The following PRDM6 variants were observed in gnomAD, a reference collection of about 807,000 sequenced individuals.
PRDM6 encodes the protein putative histone-lysine N-methyltransferase PRDM6.
PRDM6 carries 25 observed loss-of-function variants against 60.8 expected under a neutral mutation model. The ratio of observed to expected loss-of-function variants is 0.41; its 90% CI spans 0.30 to 0.57. The LOEUF (loss-of-function observed/expected upper bound fraction) is 0.57. Ranked by LOEUF, PRDM6 falls within the 20% of genes least tolerant of loss-of-function variation. The pLI is 0.27. For synonymous variants in PRDM6, 407 were observed against 357.4 expected (o/e 1.14, Z -1.57); for missense variants, 839 against 821.3 (o/e 1.02, Z -0.26).
intron 3 of PRDM6, among the ~76,000 whole-genome samples, chr5:123,137,640 G>C (rs929078084): frequency 1.3e-5 from 2 of 152,122 alleles, no homozygotes; most frequent in African/African-American, 4.8e-5. Context: ...GGCCTGTCAG[G>C]GGGTGGGGGG....
chr5:123,090,166 A>AGCC lies in PRDM6; in HGVS notation c.165_167dup (p.Pro59dup), dbSNP rs563892036. The AGCC allele has an allele frequency of 1.6e-3, 2,423 of 1,489,220 alleles. 8 individuals carry two copies. Among genetic ancestry groups the AGCC allele is most frequent in the South Asian group, 6.1e-3 (480 of 78,086 alleles). The allele number at this position is 1,489,220 out of a possible 1,614,324, so 92.3% of individuals were successfully genotyped here. ...CTCCTGAGCGCGCCGCAGCCTCTTCAGCCGCCGCCGCCGCCCCCGCCCCCG... is the reference window on the plus strand; with the variant it reads ...CTCCTGAGCGCGCCGCAGCCTCTTCAGCCGCCGCCGCCGCCGCCCCCGCCCCCG... On this transcript the variant is annotated inframe_insertion, in exon 2 of 8. Coordinates refer to ENST00000407847, the MANE Select transcript of PRDM6 (RefSeq NM_001136239.4).
intron 7 of PRDM6, 114 bp downstream of exon 7, chr5:123,180,437 G>T (rs975841094): frequency 9.9e-6 from 11 of 1,109,386 alleles, no homozygotes; most frequent in East Asian, 5.3e-5. Context: ...TACTTGGAAG[G>T]CCAGTGTCCA....
chr5:123,132,471 A>G (rs145187843), intron 3 of PRDM6, among the ~76,000 whole-genome samples: 13 of 152,242 alleles, frequency 8.5e-5, no homozygotes, highest in Non-Finnish European at 1.3e-4. Flanking sequence ...TGGATTTTCT[A>G]TAAGCGCTTT....
chr5:123,177,154 A>G (rs1273166184), intron 6 of PRDM6, among the ~76,000 whole-genome samples: 1 of 152,228 alleles, frequency 6.6e-6, no homozygotes, highest in Non-Finnish European at 1.5e-5. Context: ...TTAATTTTTG[A>G]ACGTATTCCT....
At chr5:123,155,626 A>G (rs1765475934) in intron 3 of PRDM6, among the ~76,000 whole-genome samples, 1 of 152,162 alleles carries the variant, frequency 6.6e-6, no homozygotes, top group African/African-American at 2.4e-5. Flanking sequence ...TCTTTGGGAA[A>G]TATGGTCACA....
At chr5:123,166,947 A>G (rs1322189747) in intron 5 of PRDM6, among the ~76,000 whole-genome samples, 3 of 152,136 alleles carry the variant, frequency 2.0e-5, no homozygotes, top group Non-Finnish European at 2.9e-5. Flanking sequence ...CTTTTTGGTC[A>G]TTTTAATAAC....
intron 3 of PRDM6, among the ~76,000 whole-genome samples, chr5:123,115,344 C>G (rs942684087): frequency 5.3e-5 from 8 of 152,090 alleles, no homozygotes; most frequent in Non-Finnish European, 1.0e-4. Context: ...AATCCTTCTC[C>G]AAGGAAAGGG....
At chr5:123,116,662 A>G (rs192915037) in intron 3 of PRDM6, among the ~76,000 whole-genome samples, 95 of 152,310 alleles carry the variant, frequency 6.2e-4, no homozygotes, top group African/African-American at 2.3e-3. Context: ...GTTACAAGAC[A>G]ATTTGCTTTA....
At chr5:123,089,609 G>C (rs1042625623) in intron 1 of PRDM6, 90 bp downstream of exon 1, 4 of 203,606 alleles carry the variant, frequency 2.0e-5, no homozygotes, top group African/African-American at 9.4e-5. Context: ...CGGCGAGACT[G>C]TTCTGCCTCC....
At chr5:123,186,950 C>T in intron 7 of PRDM6, 137 bp from the exon 8 acceptor site, 2 of 624,412 alleles carry the variant, frequency 3.2e-6, no homozygotes, top group Non-Finnish European at 5.8e-6. Flanking sequence ...TTGGAAGGAG[C>T]CACCAATTAA....
intron 3 of PRDM6, among the ~76,000 whole-genome samples, chr5:123,111,571 G>A (rs901058813): frequency 1.3e-5 from 2 of 152,108 alleles, no homozygotes; most frequent in African/African-American, 2.4e-5. Context: ...GGTGACGGGC[G>A]CCTGTAGTCC....
intron 4 of PRDM6, among the ~76,000 whole-genome samples, chr5:123,157,446 G>A (rs529139996): frequency 4.6e-4 from 70 of 152,166 alleles, no homozygotes; most frequent in South Asian, 2.5e-3. Context: ...CTGAATTTGG[G>A]AAAACAAGAA....
In PRDM6 at chr5:123,099,786, G is replaced by C; in HGVS notation, c.725G>C (p.Arg242Pro). 2 of 1,548,560 alleles carry C rather than the reference G, an allele frequency of 1.3e-6. No individual in the cohort carries two copies. Among genetic ancestry groups the C allele is most frequent in the Non-Finnish European group, 1.7e-6 (2 of 1,145,922 alleles). ...APPPELPEWLRDLPREVCLCT... is the reference protein window; with the variant it reads ...APPPELPEWLPDLPREVCLCT... ...CCGCCGGAGCTGCCGGAGTGGCTGC[G>C]GGACCTGCCTCGCGAGGTGTGCCTC... The change falls in exon 3 of 8, where the codon CGG becomes CCG. Residue 242 changes from arginine to proline, a missense_variant. Physicochemically the swap from Arg to Pro is moderately radical, Grantham distance 103 (BLOSUM62 -2). This residue lies in a region of PRDM6 where 730 missense variants were observed against 648.8 expected (regional missense o/e 1.13). Coordinates refer to ENST00000407847, the MANE Select transcript of PRDM6 (RefSeq NM_001136239.4). This position sits in a 1 kb window ranked among gnomAD's most constrained non-coding sequence, Gnocchi z 4.0.
In PRDM6 at chr5:123,111,840, A is replaced by C. The variant is rs1034667670; in HGVS notation, c.900+11879A>C. 5.3e-5 allele frequency among the ~76,000 whole-genome samples: 8 copies of C among 152,138 alleles called. No homozygotes were observed. In the East Asian group the frequency reaches 1.4e-3, roughly 26 times the overall value. ...GGCCTCTCTTCTGCTTCAGGTCCAC[A>C]GTTGGTTTAGTTCTGTTAATAATCC... On this transcript the variant is annotated intron_variant, in intron 3 of 7. Transcript: ENST00000407847.
intron 3 of PRDM6, among the ~76,000 whole-genome samples, chr5:123,146,650 G>C (rs756155276): frequency 6.6e-6 from 1 of 152,170 alleles, no homozygotes; most frequent in Non-Finnish European, 1.5e-5. Context: ...CACGACAAGG[G>C]ATGCTGAGTA....
intron 3 of PRDM6, among the ~76,000 whole-genome samples, chr5:123,147,030 GCT>G (rs1452172032): frequency 1.3e-5 from 2 of 152,096 alleles, no homozygotes; most frequent in African/African-American, 4.8e-5. Context: ...TTTTTACAGA[GCT>G]CTCTCTGCTC....
At position 123,187,384 on chromosome 5, in the gene PRDM6, G is replaced by T; in HGVS notation, c.*183G>T. On this transcript the variant is annotated 3_prime_UTR_variant, in exon 8 of 8. Coordinates refer to ENST00000407847, the MANE Select transcript of PRDM6 (RefSeq NM_001136239.4). ...GGCATGGAAGTCAGACCAGGAAAGA[G>T]ATTATTTATTTATGACTTAGGGATG... is the stretch of plus-strand genomic sequence containing the variant. 1 of 472,980 alleles carries T rather than the reference G, an allele frequency of 2.1e-6. No homozygotes were observed. Among genetic ancestry groups the T allele is most frequent in the Non-Finnish European group, 3.9e-6 (1 of 257,504 alleles). 29.3% of individuals were successfully genotyped at this position (472,980 alleles called of 1,614,324 possible).
At chr5:123,181,783 G>A (rs528297798) in intron 7 of PRDM6, among the ~76,000 whole-genome samples, 60 of 152,234 alleles carry the variant, frequency 3.9e-4, no homozygotes, top group Non-Finnish European at 6.9e-4. Flanking sequence ...CTGTCGTGGC[G>A]CACTTTGTGC....
chr5:123,191,903 G>A lies in PRDM6; in HGVS notation c.*4702G>A, dbSNP rs1267201463. The A allele has an allele frequency of 2.0e-5, 3 of 152,160 alleles. No individual in the cohort carries two copies. Among genetic ancestry groups the A allele is most frequent in the Non-Finnish European group, 4.4e-5 (3 of 68,036 alleles). 9.4% of individuals were successfully genotyped at this position (152,160 alleles called of 1,614,324 possible). Reference sequence around the variant, plus strand: ...AAACCTTGCCACAGATGTTTAACCTGTAGTCCATGGCTGTGTTTGACATTT... The same window carrying A: ...AAACCTTGCCACAGATGTTTAACCTATAGTCCATGGCTGTGTTTGACATTT... On this transcript the variant is annotated 3_prime_UTR_variant, in exon 8 of 8. Coordinates refer to ENST00000407847, the MANE Select transcript of PRDM6 (RefSeq NM_001136239.4).
Sources: gnomAD v4.1 joint callset for allele counts (sites outside exome capture counted in the v4.1 genomes callset) on GRCh38, gnomAD v4.1.1 for gene constraint, gnomAD v4.1.1 regional missense constraint, Gnocchi (gnomAD v3.1) non-coding constraint, MANE v1.5 for transcripts, NCBI Gene and HGNC (gene_info 2026-07-23, HGNC 2026-07-21) for gene names.